NRG4: variants seen among roughly 807,000 people sequenced by gnomAD.
NRG4 encodes the protein pro-neuregulin-4, membrane-bound isoform.
Under a neutral mutation model 15.0 loss-of-function variants are expected in NRG4, and 10 were observed. The ratio of observed to expected loss-of-function variants is 0.67; its 90% confidence interval spans 0.41 to 1.13. The LOEUF (loss-of-function observed/expected upper bound fraction) is 1.13, where lower values mean the gene tolerates loss of function less well. Ranked by LOEUF, NRG4 falls within the 50% of genes most tolerant of loss-of-function variation. NRG4 has a pLI of 0.00. For missense variants in NRG4, 139 were observed against 140.2 expected (o/e 0.99, Z 0.04); for synonymous variants, 41 against 50.1 (o/e 0.82, Z 0.77).
intron 5 of NRG4, among the ~76,000 whole-genome samples, chr15:76,029,204 G>A (rs371774242): frequency 2.0e-5 from 3 of 152,048 alleles, no homozygotes; most frequent in Non-Finnish European, 2.9e-5. Context: ...AAAACCATAC[G>A]ATCATGTCAA....
In NRG4 at chr15:75,955,992, C is replaced by T. The variant is rs1334041857; in HGVS notation, c.271G>A (p.Ala91Thr). The T allele has an allele frequency of 1.2e-6, 2 of 1,611,054 alleles. No homozygotes were observed. The highest frequency in any genetic ancestry group is 1.1e-5 in the South Asian group (1 of 91,000). The change falls in exon 5 of 6, where the codon GCC becomes ACC. Residue 91 changes from alanine (A) to threonine (T), a missense_variant. By Grantham distance (58) the Ala-to-Thr change is moderately conservative. Transcript: ENST00000394907. Reference sequence around the variant, plus strand: ...TTGATATCATACTGGACTGAACTGGCTCTCTGAAAGTGGCCTTTCCTGACA... The same window carrying T: ...TTGATATCATACTGGACTGAACTGGTTCTCTGAAAGTGGCCTTTCCTGACA... ...FLCRKGHFQR[A>T]SSVQYDINLV...
rs139431911 is a variant in NRG4, at chr15:76,000,240, T to A, written c.104+8960A>T. On this transcript the variant is annotated intron_variant, in intron 3 of 5. Transcript: ENST00000394907. ...TTGAAGGGCTTTTAAAAAAAATTGA[T>A]AGATTTGACTGCAGTAAAACCAGAA... Among the ~76,000 whole-genome samples, 24 of 152,182 alleles carry A rather than the reference T, an allele frequency of 1.6e-4. No individual in the cohort carries two copies. In the East Asian group the frequency reaches 4.2e-3, roughly 27 times the overall value.
At chr15:75,959,619 C>T (rs10152136) in intron 4 of NRG4, among the ~76,000 whole-genome samples, 3,240 of 152,110 alleles carry the variant, frequency 0.021, 138 homozygotes, top group African/African-American at 0.075. Flanking sequence ...TTCTGCTTCC[C>T]GAGTAGTTGG....
At chr15:76,023,398 C>T (rs2035219968) in intron 5 of NRG4, among the ~76,000 whole-genome samples, 1 of 152,162 alleles carries the variant, frequency 6.6e-6, no homozygotes, top group South Asian at 2.1e-4. Flanking sequence ...AGAGACTTTC[C>T]CTTTCAGGAA....
chr15:75,987,139 G>C (rs1045284012), intron 3 of NRG4, among the ~76,000 whole-genome samples: 1 of 152,074 alleles, frequency 6.6e-6, no homozygotes, highest in Non-Finnish European at 1.5e-5. Context: ...AAAGCTTTGC[G>C]GTCCCCAGGA....
intron 3 of NRG4, among the ~76,000 whole-genome samples, chr15:76,007,064 G>A (rs943162872): frequency 1.3e-5 from 2 of 152,076 alleles, no homozygotes; most frequent in Non-Finnish European, 2.9e-5. Flanking sequence ...ATCTAAAACT[G>A]AACAACAAAC....
At chr15:76,040,725 G>C (rs891027137) in intron 4 of NRG4, among the ~76,000 whole-genome samples, 52 of 152,168 alleles carry the variant, frequency 3.4e-4, no homozygotes, top group African/African-American at 1.2e-3. Context: ...AGGAGTTCGA[G>C]ACCAGCCTGG....
Position 75,943,441 on chromosome 15 carries a change from G to A in NRG4, c.*197C>T. 1 of 557,970 alleles carries A rather than the reference G, an allele frequency of 1.8e-6. No homozygotes were observed. 34.6% of individuals were successfully genotyped at this position (557,970 alleles called of 1,614,324 possible). On this transcript the variant is annotated 3_prime_UTR_variant, in exon 6 of 6. Transcript: ENST00000394907. ...TTATACTGGTATCACCCCCTACTTA[G>A]CAGTTGCCGATGGACTGATGCACAT...
intron 3 of NRG4, among the ~76,000 whole-genome samples, chr15:76,005,330 T>A (rs1179747264): frequency 6.8e-6 from 1 of 147,210 alleles, no homozygotes; most frequent in Non-Finnish European, 1.5e-5. Context: ...TGCAGTGAAC[T>A]ATGATCAAGC....
intron 5 of NRG4, among the ~76,000 whole-genome samples, chr15:75,947,119 C>CTAT: frequency 6.6e-6 from 1 of 152,182 alleles, no homozygotes; most frequent in Non-Finnish European, 1.5e-5. Flanking sequence ...TCAAGCAAAG[C>CTAT]TATCTCCAGT....
rs890308562 is a variant in NRG4 at position 76,052,057 on chromosome 15, GAATA to G, written c.-105+6_-105+9del. On this transcript the variant is annotated splice_donor_region_variant and intron_variant, in intron 4 of 8. Coordinates refer to the NRG4 transcript ENST00000563910. Reference sequence around the variant, plus strand: ...ATAGCCCCAAAACATTAAAAAGAATGAATACTTACCTGATCTGTCCTTGGATGAA... The same window carrying G: ...ATAGCCCCAAAACATTAAAAAGAATGCTTACCTGATCTGTCCTTGGATGAA... 1.2e-4 allele frequency: 18 copies of G among 151,016 alleles called. 2 individuals are homozygous for G. Among genetic ancestry groups the G allele is most frequent in the African/African-American group, 3.9e-4 (16 of 40,588 alleles). The allele number at this position is 151,016 out of a possible 1,614,324, so 9.4% of individuals were successfully genotyped here.
In NRG4 at chr15:75,977,907, C is replaced by G. The variant is rs2033437529; in HGVS notation, c.105-15933G>C. Reference sequence around the variant, plus strand: ...TCTCGGCTCACTACAACCTCTGCCTCCCAGGTTCAAGTGATTCTCCTGCCT... The same window carrying G: ...TCTCGGCTCACTACAACCTCTGCCTGCCAGGTTCAAGTGATTCTCCTGCCT... On this transcript the variant is annotated intron_variant, in intron 3 of 5. Coordinates refer to ENST00000394907, the MANE Select transcript of NRG4 (RefSeq NM_138573.4). The surrounding 1 kb of genome is among the most constrained non-coding windows in gnomAD (Gnocchi z 4.9). Among the ~76,000 whole-genome samples, 1 of 151,056 alleles carries G rather than the reference C, an allele frequency of 6.6e-6. No homozygotes were observed.
chr15:75,973,691 C>T (rs552878288), intron 3 of NRG4, among the ~76,000 whole-genome samples: 1 of 152,268 alleles, frequency 6.6e-6, no homozygotes, highest in African/African-American at 2.4e-5. Flanking sequence ...ATATGTTAAA[C>T]CAGCCTTGCA....
At chr15:75,944,768 T>TGTG (rs1555428878) in intron 5 of NRG4, among the ~76,000 whole-genome samples, 92 of 115,130 alleles carry the variant, frequency 8.0e-4, no homozygotes, top group African/African-American at 2.6e-3. Flanking sequence ...TGTGTGTGTG[T>TGTG]GGGGGGGTGG....
At chr15:75,953,915 C>T (rs1186815168) in intron 5 of NRG4, among the ~76,000 whole-genome samples, 3 of 152,112 alleles carry the variant, frequency 2.0e-5, no homozygotes, top group Non-Finnish European at 2.9e-5. Context: ...TCAAACTCTT[C>T]GGTTCAAGTG....
chr15:76,018,271 T>G (rs1408704309), intron 5 of NRG4, among the ~76,000 whole-genome samples: 1 of 152,210 alleles, frequency 6.6e-6, no homozygotes, highest in Non-Finnish European at 1.5e-5. Flanking sequence ...TGAGTTAGAA[T>G]ATCCTCCTTT....
intron 4 of NRG4, among the ~76,000 whole-genome samples, chr15:76,047,122 A>G (rs2035885798): frequency 1.3e-5 from 2 of 150,854 alleles, no homozygotes; most frequent in African/African-American, 4.9e-5. Context: ...ATCATCAATA[A>G]AAGATACTGG....
chr15:76,023,903 C>T (rs979702497), intron 5 of NRG4, among the ~76,000 whole-genome samples: 1 of 152,210 alleles, frequency 6.6e-6, no homozygotes. Context: ...GCACACTCTC[C>T]CCTAAGCTAA....
At chr15:76,014,234 TG>T (rs1253580009), upstream of NRG4, among the ~76,000 whole-genome samples, 1 of 152,238 alleles carries the variant, frequency 6.6e-6, no homozygotes, top group African/African-American at 2.4e-5. Flanking sequence ...TTGTAGATTC[TG>T]GATATTAGCC....
Sources: gnomAD v4.1 joint callset for allele counts (sites outside exome capture counted in the v4.1 genomes callset) on GRCh38, gnomAD v4.1.1 for gene constraint, Gnocchi (gnomAD v3.1) non-coding constraint, MANE v1.5 for transcripts, NCBI Gene and HGNC (gene_info 2026-07-23, HGNC 2026-07-21) for gene names.